MAPT: variants seen among roughly 807,000 people sequenced by gnomAD.
MAPT encodes microtubule associated protein tau, also known as microtubule-associated protein tau.
Under a neutral mutation model 67.9 loss-of-function variants are expected in MAPT, and 34 were observed. The observed-to-expected ratio is 0.50, with a 90% CI of 0.38 to 0.67. The LOEUF is 0.67. MAPT is among the 30% of genes least tolerant of loss of function. The probability of loss-of-function intolerance (pLI) is 0.00; values close to 1 mark genes in which losing one functional copy is unlikely to be tolerated. For missense variants in MAPT, 881 were observed against 1,115.2 expected (o/e 0.79, Z 2.99); for synonymous variants, 456 against 464.5 (o/e 0.98, Z 0.23).
intron 1 of MAPT, among the ~76,000 whole-genome samples, chr17:45,950,645 T>A (rs62062801): frequency 6.6e-6 from 1 of 152,106 alleles, no homozygotes; most frequent in East Asian, 1.9e-4. Context: ...CCCATACTTT[T>A]AATTTTTAAA....
chr17:45,991,384 T>C, intron 7 of MAPT, 76 bp from the exon 8 acceptor site: 1 of 1,591,590 alleles, frequency 6.3e-7, no homozygotes, highest in Non-Finnish European at 8.6e-7. Context: ...GGTGGCGGAG[T>C]GGGGCTGGTG....
chr17:45,983,595 C>T lies in MAPT; in HGVS notation c.1016C>T (p.Ala339Val). 2.5e-6 allele frequency: 4 copies of T among 1,613,264 alleles called. No homozygotes were observed. Among genetic ancestry groups the T allele is most frequent in the Non-Finnish European group, 3.4e-6 (4 of 1,179,962 alleles). ...ATCCCAGGCTTCCCAGCGGAGGGTG[C>T]CATCCCCCTCCCTGTGGATTTCCTC... Reference protein sequence around the residue: ...TSIPGFPAEGAIPLPVDFLSK... With the variant: ...TSIPGFPAEGVIPLPVDFLSK... Residue 339 changes from alanine (A) to valine (V), a missense_variant, in exon 5 of 13, where the codon GCC becomes GTC. Transcript: ENST00000262410.
At chr17:46,014,071 G>A (rs2075998194) in intron 10 of MAPT, among the ~76,000 whole-genome samples, 172 bp from the exon 11 acceptor site, 1 of 152,208 alleles carries the variant, frequency 6.6e-6, no homozygotes, top group Admixed American at 6.5e-5. Context: ...CCCTGACTAG[G>A]ATGTGCTCCT....
intron 9 of MAPT, among the ~76,000 whole-genome samples, chr17:46,001,277 T>C (rs1312657207): frequency 6.6e-6 from 1 of 152,058 alleles, no homozygotes; most frequent in Non-Finnish European, 1.5e-5. Flanking sequence ...CAAATTGTAC[T>C]TAGAAGGATT....
chr17:45,949,205 G>A (rs886235369), intron 1 of MAPT, among the ~76,000 whole-genome samples: 1 of 152,256 alleles, frequency 6.6e-6, no homozygotes, highest in Non-Finnish European at 1.5e-5. Flanking sequence ...CGGGCGCCTG[G>A]TGCGCGGCGG....
At chr17:45,990,158 C>CGG in intron 7 of MAPT, 83 bp downstream of exon 7, 1 of 1,274,068 alleles carries the variant, frequency 7.8e-7, no homozygotes, top group South Asian at 1.2e-5. Flanking sequence ...TTTTTAGCCT[C>CGG]AAAGACCTTT....
chr17:46,006,227 T>A (rs891711027), intron 9 of MAPT, among the ~76,000 whole-genome samples: 2 of 152,146 alleles, frequency 1.3e-5, no homozygotes, highest in African/African-American at 4.8e-5. Context: ...GAAAATGTGG[T>A]GCATATACAC....
Position 45,983,667 on chromosome 17 carries a change from G to C in MAPT, c.1088G>C (p.Ser363Thr). ...EIPASEPDGP[S>T]VGRAKGQDAP... ...CCAGCCTCAGAGCCCGACGGGCCCA[G>C]TGTAGGGCGGGCCAAAGGGCAGGAT... Residue 363 changes from serine (S) to threonine (T), a missense_variant, in exon 5 of 13, where the codon AGT becomes ACT. Ser to Thr is a moderately conservative substitution (Grantham distance 58, BLOSUM62 1). Coordinates refer to ENST00000262410, the MANE Select transcript of MAPT (RefSeq NM_001377265.1). 6.2e-7 allele frequency: 1 copy of C among 1,614,104 alleles called. No homozygotes were observed. The highest frequency in any genetic ancestry group is 1.1e-5 in the South Asian group (1 of 91,090).
intron 1 of MAPT, among the ~76,000 whole-genome samples, chr17:45,916,697 T>C (rs1365035615): frequency 1.3e-5 from 2 of 152,136 alleles, no homozygotes; most frequent in Non-Finnish European, 2.9e-5. Context: ...ACTTCTGAGG[T>C]TACATTGAGA....
chr17:45,935,999 C>T lies in MAPT; in HGVS notation c.-17-26322C>T, dbSNP rs188960085. ...TTGGACTGTGTGTACCTCTTTGTCT[C>T]CACTCCCAAACCCAACCCCCAGAGG... On this transcript the variant is annotated intron_variant, in intron 1 of 12. Coordinates refer to ENST00000262410, the MANE Select transcript of MAPT (RefSeq NM_001377265.1). Among the ~76,000 whole-genome samples the T allele has an allele frequency of 1.1e-4, 17 of 152,294 alleles. No homozygotes were observed. The East Asian group carries it at 3.3e-3, about 29-fold the overall frequency.
chr17:45,982,086 G>C (rs954767413), intron 4 of MAPT, among the ~76,000 whole-genome samples: 5 of 151,202 alleles, frequency 3.3e-5, no homozygotes, highest in African/African-American at 1.2e-4. Context: ...GCACTTTGGG[G>C]ACCGGGGTGG....
intron 8 of MAPT, 123 bp downstream of exon 8, chr17:45,991,709 G>GT: frequency 7.4e-7 from 1 of 1,343,650 alleles, no homozygotes; most frequent in South Asian, 1.2e-5. Context: ...GCAGCTTGCA[G>GT]TTTACTAAGC....
At chr17:45,907,281 G>A (rs1030695141) in intron 1 of MAPT, among the ~76,000 whole-genome samples, 2 of 151,728 alleles carry the variant, frequency 1.3e-5, no homozygotes, top group Non-Finnish European at 2.9e-5. Flanking sequence ...TATTTAAATT[G>A]ACCTGACCTT....
At chr17:45,964,530 A>T (rs981314079) in intron 2 of MAPT, among the ~76,000 whole-genome samples, 49 of 151,490 alleles carry the variant, frequency 3.2e-4, no homozygotes, top group African/African-American at 1.2e-3. Context: ...TAATAATTTT[A>T]AAAATTATCC....
chr17:45,943,227 G>A (rs1311102979), intron 1 of MAPT, among the ~76,000 whole-genome samples: 1 of 152,088 alleles, frequency 6.6e-6, no homozygotes, highest in Non-Finnish European at 1.5e-5. Flanking sequence ...CTAAATTTTT[G>A]TACTTTTAGT....
Position 45,943,800 on chromosome 17 carries a change from G to A in MAPT, c.-17-18521G>A, listed in dbSNP as rs553888119. Among the ~76,000 whole-genome samples, 207 of 152,248 alleles carry A rather than the reference G, an allele frequency of 1.4e-3. 3 individuals carry two copies. Among genetic ancestry groups the A allele is most frequent in the Admixed American group, 0.011 (175 of 15,288 alleles). ...CCTGTCACATTGTGTGGGTTCCAGC[G>A]CTGGAAGGAATGAGGAACAGATTCT... On this transcript the variant is annotated intron_variant, in intron 1 of 12. Transcript: ENST00000262410.
At chr17:46,022,803 G>A (rs2076610301) in intron 12 of MAPT, among the ~76,000 whole-genome samples, 1 of 152,140 alleles carries the variant, frequency 6.6e-6, no homozygotes, top group Admixed American at 6.5e-5. Flanking sequence ...GATGGCATGA[G>A]CCTGTAGTCC....
At chr17:46,013,755 T>C (rs1176172359) in intron 10 of MAPT, among the ~76,000 whole-genome samples, 1 of 152,166 alleles carries the variant, frequency 6.6e-6, no homozygotes, top group Non-Finnish European at 1.5e-5. Context: ...CTCCCCTCTT[T>C]GAGGCCCAGC....
chr17:45,983,488 C>T lies in MAPT; in HGVS notation c.909C>T (p.Ser303=), dbSNP rs1210755711. The change falls in exon 5 of 13, where the codon TCC becomes TCT. Residue 303 remains serine, a synonymous_variant. Transcript: ENST00000262410. ...AAGACCGCGACGTCGATGAGTCCTCCCCCCAAGACTCCCCTCCCTCCAAGG... is the reference window on the plus strand; with the variant it reads ...AAGACCGCGACGTCGATGAGTCCTCTCCCCAAGACTCCCCTCCCTCCAAGG... ...VDEDRDVDES[S]PQDSPPSKAS... The T allele has an allele frequency of 3.1e-6, 5 of 1,611,136 alleles. No individual in the cohort carries two copies. The highest frequency in any genetic ancestry group is 4.2e-6 in the Non-Finnish European group (5 of 1,178,816).
Sources: gnomAD v4.1 joint callset for allele counts (sites outside exome capture counted in the v4.1 genomes callset) on GRCh38, gnomAD v4.1.1 for gene constraint, MANE v1.5 for transcripts, NCBI Gene and HGNC (gene_info 2026-07-23, HGNC 2026-07-21) for gene names.